Variants in LRBA observed in about 807,000 individuals in gnomAD.
The protein encoded by LRBA is LPS responsive beige-like anchor protein.
Under a neutral mutation model 330.0 loss-of-function variants are expected in LRBA, and 176 were observed. The observed-to-expected ratio is 0.53, with a 90% CI of 0.47 to 0.60. The LOEUF (loss-of-function observed/expected upper bound fraction) is 0.60. Ranked by LOEUF, LRBA falls within the 20% of genes least tolerant of loss-of-function variation. The pLI is 0.00. For synonymous variants in LRBA, 1,230 were observed against 1,193.0 expected, an observed-to-expected ratio of 1.03 and a Z score of -0.64; for missense variants, 3,259 against 3,444.8, an observed-to-expected ratio of 0.95 and a Z score of 1.35.
chr4:150,276,984 T>C (rs367765393), intron 56 of LRBA, among the ~76,000 whole-genome samples: 7 of 152,338 alleles, frequency 4.6e-5, no homozygotes, highest in East Asian at 3.9e-4. Context: ...TCTATGTTTA[T>C]TGCGGCACTA....
intron 37 of LRBA, among the ~76,000 whole-genome samples, chr4:150,639,815 G>GTA (rs1231007497): frequency 1.8e-3 from 9 of 4,884 alleles, no homozygotes; most frequent in African/African-American, 3.3e-3. Context: ...ATGTGTGTGT[G>GTA]TGTGTATATA....
chr4:150,564,449 G>C lies in LRBA; in HGVS notation c.6330+23599C>G, dbSNP rs146625067. 5.8e-3 allele frequency among the ~76,000 whole-genome samples: 883 copies of C among 152,186 alleles called. 8 individuals are homozygous for C. The highest frequency in any genetic ancestry group is 0.02 in the African/African-American group (831 of 41,518). ...CATAAAAACCCTAGAAGAAAACCTA[G>C]GCAATACCATTCAGGACACAGGCAT... On this transcript the variant is annotated intron_variant, in intron 40 of 56. Transcript: ENST00000651943.
At chr4:150,329,753 T>A (rs182790904) in intron 48 of LRBA, among the ~76,000 whole-genome samples, 7 of 152,334 alleles carry the variant, frequency 4.6e-5, no homozygotes, top group Non-Finnish European at 7.4e-5. Flanking sequence ...CTTAAAATAC[T>A]ATTTTTTATT....
chr4:150,802,585 C>T (rs971319670), intron 33 of LRBA, among the ~76,000 whole-genome samples: 2 of 151,996 alleles, frequency 1.3e-5, no homozygotes, highest in Non-Finnish European at 2.9e-5. Flanking sequence ...TTAATCCTTA[C>T]AAAGGGTTAT....
intron 40 of LRBA, among the ~76,000 whole-genome samples, chr4:150,525,738 A>T (rs1003368964): frequency 6.6e-6 from 1 of 152,188 alleles, no homozygotes; most frequent in African/African-American, 2.4e-5. Flanking sequence ...TCTCTTTTAC[A>T]CTAGGGAATC....
chr4:150,593,093 G>T (rs535311604), intron 38 of LRBA, among the ~76,000 whole-genome samples: 2 of 152,180 alleles, frequency 1.3e-5, no homozygotes, highest in African/African-American at 4.8e-5. Flanking sequence ...ATCTTTTGCA[G>T]TTTGCTATCA....
In LRBA at chr4:150,389,409, G is replaced by T. The variant is rs564410475; in HGVS notation, c.7194+26029C>A. Among the ~76,000 whole-genome samples the T allele has an allele frequency of 2.2e-4, 34 of 151,626 alleles. No homozygotes were observed. The South Asian group carries it at 6.9e-3, about 31-fold the overall frequency. On this transcript the variant is annotated intron_variant, in intron 47 of 56. Transcript: ENST00000651943. ...CTCCATAGGAGATTAGGTTAATATT[G>T]TTCAGAGTTTTGCTTTGTTATGACC...
chr4:150,895,795 AC>A (rs1354795478), intron 16 of LRBA, among the ~76,000 whole-genome samples: 1 of 152,178 alleles, frequency 6.6e-6, no homozygotes, highest in Non-Finnish European at 1.5e-5. Context: ...TTGGGTATAT[AC>A]CCAGTAATGG....
intron 56 of LRBA, among the ~76,000 whole-genome samples, chr4:150,277,584 G>A (rs911978818): frequency 2.0e-5 from 3 of 152,028 alleles, no homozygotes; most frequent in African/African-American, 7.3e-5. Flanking sequence ...TGGTTTGATT[G>A]TACAGGTGAC....
rs543216874 is a variant in LRBA at position 150,611,868 on chromosome 4, G to A, written c.5922-12737C>T. ...TCTCATATCCAAGAACCACTGCTTT[G>A]GCATACAGAACCTTTATTTCTACGC... On this transcript the variant is annotated intron_variant, in intron 37 of 56. Coordinates refer to ENST00000651943, the MANE Select transcript of LRBA (RefSeq NM_001364905.1). Among the ~76,000 whole-genome samples the A allele has an allele frequency of 2.0e-5, 3 of 152,182 alleles. No individual in the cohort carries two copies. The South Asian group carries it at 6.2e-4, about 32-fold the overall frequency.
At chr4:150,776,917 T>C (rs1737419169) in intron 34 of LRBA, among the ~76,000 whole-genome samples, 1 of 152,216 alleles carries the variant, frequency 6.6e-6, no homozygotes, top group Non-Finnish European at 1.5e-5. Context: ...GGACAACAGG[T>C]ATTTATCCAA....
chr4:150,874,303 G>C (rs986071923), intron 17 of LRBA, among the ~76,000 whole-genome samples: 2 of 152,126 alleles, frequency 1.3e-5, no homozygotes, highest in East Asian at 3.9e-4. Flanking sequence ...CTGGGAAAGA[G>C]GTATGGAGAT....
At chr4:150,656,667 C>A (rs531747914) in intron 37 of LRBA, among the ~76,000 whole-genome samples, 141 of 152,214 alleles carry the variant, frequency 9.3e-4, no homozygotes, top group Admixed American at 2.2e-3. Context: ...GTCATTCAGA[C>A]AACTGTAAGT....
intron 53 of LRBA, 62 bp downstream of exon 53, chr4:150,302,563 A>T: frequency 8.6e-7 from 1 of 1,165,774 alleles, no homozygotes; most frequent in Non-Finnish European, 1.2e-6. Flanking sequence ...AGGTAACTTT[A>T]CTGCAAAATG....
chr4:150,497,315 T>G (rs1372777575), intron 40 of LRBA, among the ~76,000 whole-genome samples: 1 of 152,182 alleles, frequency 6.6e-6, no homozygotes, highest in Non-Finnish European at 1.5e-5. Context: ...AATTCAAGGA[T>G]ATATTCTTTA....
intron 36 of LRBA, among the ~76,000 whole-genome samples, chr4:150,705,000 G>A (rs1785478575): frequency 1.3e-5 from 2 of 152,008 alleles, no homozygotes; most frequent in Admixed American, 6.6e-5. Context: ...TAATATTGCT[G>A]GTTACATAAA....
At chr4:150,471,961 T>G (rs1756183685) in intron 42 of LRBA, among the ~76,000 whole-genome samples, 1 of 152,070 alleles carries the variant, frequency 6.6e-6, no homozygotes, top group African/African-American at 2.4e-5. Flanking sequence ...AGGTAAGCTG[T>G]CATTACAGTG....
At position 150,806,319 on chromosome 4, in the gene LRBA, G is replaced by A. The variant is rs374719524; in HGVS notation, c.5470C>T (p.Arg1824Trp). The A allele has an allele frequency of 1.1e-5, 17 of 1,608,472 alleles. No individual in the cohort carries two copies. The highest frequency in any genetic ancestry group is 8.4e-5 in the Admixed American group (5 of 59,350). The change falls in exon 33 of 57, where the codon CGG becomes TGG. Residue 1824 changes from arginine (R) to tryptophan (W), a missense_variant. Transcript: ENST00000651943. ...IFVDFAPFLSRTLLGSHGQEL... is the reference protein window; with the variant it reads ...IFVDFAPFLSWTLLGSHGQEL... ...TGTCCATGGCTACCCAAAAGTGTCC[G>A]AGAAAGAAAAGGTGCAAAATCCACA...
chr4:150,931,134 A>C (rs943020128), intron 2 of LRBA, among the ~76,000 whole-genome samples: 3 of 152,088 alleles, frequency 2.0e-5, no homozygotes, highest in Admixed American at 6.5e-5. Flanking sequence ...GTAACTTTTT[A>C]TTTTGAAATA....
Sources: gnomAD v4.1 joint callset for allele counts (sites outside exome capture counted in the v4.1 genomes callset) on GRCh38, gnomAD v4.1.1 for gene constraint, MANE v1.5 for transcripts, NCBI Gene and HGNC (gene_info 2026-07-23, HGNC 2026-07-21) for gene names.